The following TBL1X variants were observed in gnomAD, a reference collection of about 807,000 sequenced individuals.
TBL1X encodes the protein transducin beta like 1 X-linked.
In TBL1X, 10 loss-of-function variants were observed where a neutral mutation model predicts 50.7. That is an observed-to-expected ratio of 0.20 (90% CI 0.12 to 0.33). The LOEUF (loss-of-function observed/expected upper bound fraction) is 0.33. TBL1X is among the 10% of genes least tolerant of loss of function. The pLI, the probability that TBL1X is intolerant of heterozygous loss-of-function variation, is 1.00. For missense variants in TBL1X, 340 were observed against 504.4 expected (o/e 0.67, Z 3.12); for synonymous variants, 190 against 214.7 (o/e 0.88, Z 1.01).
intron 2 of TBL1X, among the ~76,000 whole-genome samples, chrX:9,526,398 G>A (rs1353706331): frequency 8.9e-6 from 1 of 111,960 alleles, no homozygotes; most frequent in East Asian, 2.8e-4. Flanking sequence ...CAAGTCCTCT[G>A]AGCTGATCTG....
intron 2 of TBL1X, among the ~76,000 whole-genome samples, chrX:9,606,543 G>T (rs2082584383): frequency 9.0e-6 from 1 of 110,755 alleles, no homozygotes. Context: ...AGCCAGGTGT[G>T]GTGGCGCATG....
intron 12 of TBL1X, among the ~76,000 whole-genome samples, chrX:9,702,423 CAG>C (rs1232647438): frequency 2.1e-5 from 2 of 94,005 alleles, no homozygotes; most frequent in Admixed American, 1.2e-4. Context: ...GCTTGGGTGA[CAG>C]AGTGAGATCC....
chrX:9,629,064 G>C (rs1397222654), intron 2 of TBL1X, among the ~76,000 whole-genome samples: 1 of 112,288 alleles, frequency 8.9e-6, no homozygotes, highest in African/African-American at 3.2e-5. Flanking sequence ...TGTGGAATAC[G>C]GATCTTCTTC....
At chrX:9,661,012 C>T (rs1258821262) in intron 5 of TBL1X, among the ~76,000 whole-genome samples, 1 of 111,827 alleles carries the variant, frequency 8.9e-6, no homozygotes, top group Non-Finnish European at 1.9e-5. Context: ...AATCGGGAAG[C>T]GGGTTCTCAC....
At chrX:9,500,715 A>G (rs748241356) in intron 1 of TBL1X, among the ~76,000 whole-genome samples, 41 of 112,296 alleles carry the variant, frequency 3.7e-4, no homozygotes, top group African/African-American at 7.7e-4. Context: ...TGCAAGTGCT[A>G]TGAGGGAGCT....
intron 5 of TBL1X, among the ~76,000 whole-genome samples, chrX:9,670,571 A>G (rs956799422): frequency 8.9e-6 from 1 of 112,168 alleles, no homozygotes; most frequent in South Asian, 3.7e-4. Context: ...GGGTGGTTAC[A>G]TTACTCTTAA....
At chrX:9,557,228 G>GT (rs1284955924) in intron 2 of TBL1X, among the ~76,000 whole-genome samples, 4 of 112,360 alleles carry the variant, frequency 3.6e-5, no homozygotes, top group African/African-American at 6.5e-5. Flanking sequence ...TGCTGGCTGT[G>GT]TAAGAAACAC....
chrX:9,602,404 C>T (rs1310551685), intron 2 of TBL1X, among the ~76,000 whole-genome samples: 1 of 109,706 alleles, frequency 9.1e-6, no homozygotes, highest in Non-Finnish European at 1.9e-5. Flanking sequence ...CTTAGCTTGC[C>T]GCCAGTGTTC....
chrX:9,677,948 C>G (rs901653830), intron 5 of TBL1X, among the ~76,000 whole-genome samples: 3 of 111,461 alleles, frequency 2.7e-5, no homozygotes, highest in Non-Finnish European at 5.7e-5. Flanking sequence ...CTTGGAGCAC[C>G]TGGTTAAATG....
At chrX:9,497,400 C>T (rs1371752730) in intron 1 of TBL1X, among the ~76,000 whole-genome samples, 1 of 78,105 alleles carries the variant, frequency 1.3e-5, no homozygotes, top group Non-Finnish European at 2.4e-5. Flanking sequence ...CACAGCCAGA[C>T]TCCATCTCAA....
Position 9,632,027 on chromosome X carries a change from T to C in TBL1X, c.-130-8246T>C, listed in dbSNP as rs185462212. The stretch of plus-strand genomic sequence containing the variant: ...CAGTTCTTTAAAGATTTCATTGTCT[T>C]CTGCCTTGCATAGCTTTTGACAAGA... On this transcript the variant is annotated intron_variant, in intron 2 of 17. Transcript: ENST00000645353. 1.1e-4 allele frequency among the ~76,000 whole-genome samples: 12 copies of C among 112,752 alleles called. No homozygotes were observed. The East Asian group carries it at 3.4e-3, about 32-fold the overall frequency.
At chrX:9,705,723 TAAAAA>T (rs34666783) in intron 13 of TBL1X, among the ~76,000 whole-genome samples, 1 of 78,246 alleles carries the variant, frequency 1.3e-5, no homozygotes, top group African/African-American at 4.8e-5. Flanking sequence ...CTTGTCTCTT[TAAAAA>T]AAAAAAAAAA....
chrX:9,609,339 G>A (rs1309225349), intron 2 of TBL1X, among the ~76,000 whole-genome samples: 1 of 99,903 alleles, frequency 1.0e-5, no homozygotes, highest in Non-Finnish European at 2.0e-5. Flanking sequence ...TCTTCCAGGT[G>A]TGTGTGTGTG....
chrX:9,563,471 T>C (rs1303268242), intron 2 of TBL1X, among the ~76,000 whole-genome samples: 3 of 112,747 alleles, frequency 2.7e-5, no homozygotes, highest in African/African-American at 9.7e-5. Context: ...GAAATTATAC[T>C]CAATTTTTTC....
intron 6 of TBL1X, among the ~76,000 whole-genome samples, chrX:9,685,875 A>G (rs1286987284): frequency 9.2e-6 from 1 of 108,648 alleles, no homozygotes; most frequent in African/African-American, 3.4e-5. Flanking sequence ...GGTACACACC[A>G]CCACGTCCAG....
chrX:9,600,053 C>G (rs755445992), intron 2 of TBL1X, among the ~76,000 whole-genome samples: 2 of 111,817 alleles, frequency 1.8e-5, no homozygotes, highest in Non-Finnish European at 3.8e-5. Flanking sequence ...AGCTGTATCT[C>G]TTTCAGTTGG....
chrX:9,524,513 G>A (rs2082123256), intron 2 of TBL1X, among the ~76,000 whole-genome samples: 1 of 111,812 alleles, frequency 8.9e-6, no homozygotes, highest in Admixed American at 9.5e-5. Context: ...ATTTCACTCA[G>A]CGTACTGTCC....
intron 2 of TBL1X, among the ~76,000 whole-genome samples, chrX:9,562,842 G>A (rs2082330953): frequency 2.7e-5 from 3 of 111,829 alleles, no homozygotes. Flanking sequence ...CATGCCCACT[G>A]TATTCTAGGC....
chrX:9,542,831 C>T (rs1170016483), intron 2 of TBL1X, among the ~76,000 whole-genome samples: 1 of 112,088 alleles, frequency 8.9e-6, no homozygotes, highest in Admixed American at 9.4e-5. Flanking sequence ...TTTCCCTGGA[C>T]GCTGCAGTGT....
Sources: gnomAD v4.1 joint callset for allele counts (sites outside exome capture counted in the v4.1 genomes callset) on GRCh38, gnomAD v4.1.1 for gene constraint, MANE v1.5 for transcripts, NCBI Gene and HGNC (gene_info 2026-07-23, HGNC 2026-07-21) for gene names.